The following ANKDD1A variants were observed in gnomAD, a reference collection of about 807,000 sequenced individuals.
ANKDD1A encodes the protein ankyrin repeat and death domain containing 1A.
A neutral mutation model predicts 63.5 loss-of-function variants in ANKDD1A; 59 were observed. The observed-to-expected ratio is 0.93, with a 90% CI of 0.75 to 1.15. The LOEUF (loss-of-function observed/expected upper bound fraction) is 1.15. Ranked by LOEUF, ANKDD1A falls within the 50% of genes most tolerant of loss-of-function variation. The pLI, the probability that ANKDD1A is intolerant of heterozygous loss-of-function variation, is 0.00. For missense variants in ANKDD1A, 632 were observed against 656.4 expected, an observed-to-expected ratio of 0.96 and a Z score of 0.41; for synonymous variants, 266 against 263.9, an observed-to-expected ratio of 1.01 and a Z score of -0.08.
chr15:64,913,757 A>G (rs1229375183), intron 1 of ANKDD1A, among the ~76,000 whole-genome samples: 1 of 152,192 alleles, frequency 6.6e-6, no homozygotes, highest in Non-Finnish European at 1.5e-5. Context: ...AGCCTTCCCT[A>G]CCAAGACACT....
intron 7 of ANKDD1A, 88 bp from the exon 8 acceptor site, chr15:64,931,399 C>A: frequency 7.7e-7 from 1 of 1,306,834 alleles, no homozygotes; most frequent in Non-Finnish European, 1.1e-6. Context: ...GGGGCCAAGG[C>A]ACAAGGGGCA....
At chr15:64,933,512 G>C (rs761563950) in intron 8 of ANKDD1A, among the ~76,000 whole-genome samples, 1 of 152,194 alleles carries the variant, frequency 6.6e-6, no homozygotes, top group East Asian at 1.9e-4. Context: ...GGTGGAGTTT[G>C]CTCTGTATTG....
At chr15:64,952,987 T>C (rs1243081853) in intron 14 of ANKDD1A, among the ~76,000 whole-genome samples, 2 of 27,572 alleles carry the variant, frequency 7.3e-5, no homozygotes, top group African/African-American at 8.7e-5. Flanking sequence ...TGTCTCTCCT[T>C]CTTCTCCTTC....
At chr15:64,915,029 G>T (rs1327958462) in intron 1 of ANKDD1A, among the ~76,000 whole-genome samples, 1 of 152,212 alleles carries the variant, frequency 6.6e-6, no homozygotes, top group Non-Finnish European at 1.5e-5. Context: ...AAGAGGCTGG[G>T]CGCTGTGGCT....
At chr15:64,936,354 C>G (rs2085132271) in intron 9 of ANKDD1A, among the ~76,000 whole-genome samples, 1 of 152,072 alleles carries the variant, frequency 6.6e-6, no homozygotes, top group African/African-American at 2.4e-5. Context: ...CTGATGCCAG[C>G]CCAGTGGTCA....
intron 14 of ANKDD1A, among the ~76,000 whole-genome samples, chr15:64,953,501 TC>T (rs2140390698): frequency 1.8e-4 from 22 of 119,832 alleles, no homozygotes; most frequent in African/African-American, 5.9e-4. Flanking sequence ...CTTTAGTTCT[TC>T]CTCCTCTTCC....
chr15:64,954,247 TTC>T (rs1276970513), intron 14 of ANKDD1A, among the ~76,000 whole-genome samples: 3 of 150,292 alleles, frequency 2.0e-5, no homozygotes, highest in Non-Finnish European at 4.4e-5. Flanking sequence ...GTCTTCTTAG[TTC>T]TTTCTTCTTC....
chr15:64,951,699 C>CCTTATTCTTTTCTTTCTTCG (rs1689899540), intron 14 of ANKDD1A, among the ~76,000 whole-genome samples: 4 of 7,548 alleles, frequency 5.3e-4, no homozygotes, highest in Non-Finnish European at 1.8e-3. Context: ...TCCTCTTCTT[C>CCTTATTCTTTTCTTTCTTCG]TTCCTTATTT....
intron 14 of ANKDD1A, among the ~76,000 whole-genome samples, chr15:64,951,632 T>C (rs543551687): frequency 8.4e-5 from 11 of 131,274 alleles, no homozygotes; most frequent in Non-Finnish European, 1.5e-4. Context: ...TTCTCTTCTT[T>C]TCTTCTTCTA....
At chr15:64,954,767 TTTC>T (rs201054009) in intron 14 of ANKDD1A, among the ~76,000 whole-genome samples, 165 of 146,076 alleles carry the variant, frequency 1.1e-3, no homozygotes, top group African/African-American at 3.4e-3. Flanking sequence ...TTTGTTCTTC[TTTC>T]TTCTTCTCCT....
At chr15:64,954,393 T>TCTTCTTC (rs2085384255) in intron 14 of ANKDD1A, among the ~76,000 whole-genome samples, 2 of 128,870 alleles carry the variant, frequency 1.6e-5, no homozygotes, top group African/African-American at 5.5e-5. Context: ...TCTTCTTCTT[T>TCTTCTTC]CTTCTTCCTT....
chr15:64,926,063 C>G lies in ANKDD1A; in HGVS notation c.367-3C>G, dbSNP rs754916545. The G allele has an allele frequency of 1.2e-6, 2 of 1,612,162 alleles. No individual in the cohort carries two copies. The highest frequency in any genetic ancestry group is 2.7e-5 in the African/African-American group (2 of 74,886). ...GCAGGAACCCTCCTGCACTTGTTTC[C>G]AGGATGGCCTGACCTTACTGCACTG... On this transcript the variant is annotated splice_region_variant and splice_polypyrimidine_tract_variant and intron_variant, in intron 4 of 14. Transcript: ENST00000319580.
chr15:64,921,751 T>TA (rs57765921), intron 3 of ANKDD1A, among the ~76,000 whole-genome samples, 170 bp from the exon 4 acceptor site: 74 of 146,608 alleles, frequency 5.0e-4, no homozygotes, highest in South Asian at 3.9e-3. Flanking sequence ...AGCCTCTATT[T>TA]AAAAAAAAAA....
intron 5 of ANKDD1A, 82 bp downstream of exon 5, chr15:64,926,252 T>G: frequency 1.5e-6 from 2 of 1,315,680 alleles, no homozygotes; most frequent in Non-Finnish European, 2.1e-6. Context: ...GCTTACCACA[T>G]TCCTTGGGTG....
In ANKDD1A at chr15:64,911,919, C is replaced by A; in HGVS notation, c.-12C>A. ...CGGGCACCAGCGCGCGCAGGGGCTG[C>A]GGAGCGGCAGGATGCAGGAGGAGCT... On this transcript the variant is annotated 5_prime_UTR_variant, in exon 1 of 15. Coordinates refer to ENST00000319580, the MANE Select transcript of ANKDD1A (RefSeq NM_182703.6). 2 of 1,246,988 alleles carry A rather than the reference C, an allele frequency of 1.6e-6. No individual in the cohort carries two copies. The highest frequency in any genetic ancestry group is 2.0e-6 in the Non-Finnish European group (2 of 992,572). The allele number at this position is 1,246,988 out of a possible 1,614,324, so 77.2% of individuals were successfully genotyped here.
intron 13 of ANKDD1A, among the ~76,000 whole-genome samples, chr15:64,948,645 T>C (rs1595856895): frequency 2.6e-5 from 4 of 152,106 alleles, no homozygotes; most frequent in Admixed American, 2.6e-4. Flanking sequence ...GCCAACATGG[T>C]GAATCCCCCG....
intron 3 of ANKDD1A, among the ~76,000 whole-genome samples, chr15:64,919,288 C>T (rs2035248313): frequency 6.6e-6 from 1 of 152,166 alleles, no homozygotes. Flanking sequence ...GGACTCCTTC[C>T]TCTGGACTCT....
At chr15:64,938,876 C>T (rs958936989) in intron 9 of ANKDD1A, among the ~76,000 whole-genome samples, 3 of 148,912 alleles carry the variant, frequency 2.0e-5, no homozygotes, top group South Asian at 2.2e-4. Flanking sequence ...ACTCAGGAGG[C>T]GGAGGTCGCA....
rs563751247 is a variant in ANKDD1A at position 64,947,648 on chromosome 15, C to T, written c.1351+55C>T. 5.1e-6 allele frequency: 8 copies of T among 1,570,544 alleles called. No individual in the cohort carries two copies. The African/African-American group carries it at 1.1e-4, about 21-fold the overall frequency. ...AACCATTGGGCGGAGGGGTGGGACA[C>T]CTGAAATGTGTTCAGTTTTCTGTGC... On this transcript the variant is annotated intron_variant, in intron 13 of 14. Transcript: ENST00000319580.
Sources: gnomAD v4.1 joint callset for allele counts (sites outside exome capture counted in the v4.1 genomes callset) on GRCh38, gnomAD v4.1.1 for gene constraint, MANE v1.5 for transcripts, NCBI Gene and HGNC (gene_info 2026-07-23, HGNC 2026-07-21) for gene names.